The following WASHC2A variants were observed in gnomAD, a reference collection of about 807,000 sequenced individuals.
WASHC2A encodes the protein WASH complex subunit FAM21A.
Under a neutral mutation model 140.3 loss-of-function variants are expected in WASHC2A, and 82 were observed. That is an observed-to-expected ratio of 0.58 (90% CI 0.49 to 0.70). The LOEUF (loss-of-function observed/expected upper bound fraction) is 0.70, where lower values mean the gene tolerates loss of function less well. WASHC2A is among the 30% of genes least tolerant of loss of function. The pLI is 0.00. For synonymous variants in WASHC2A, 340 were observed against 560.8 expected (o/e 0.61, Z 5.56); for missense variants, 985 against 1,521.8 (o/e 0.65, Z 5.87).
chr10:50,075,050 C>T (rs557847049), intron 3 of WASHC2A, among the ~76,000 whole-genome samples: 52 of 149,236 alleles, frequency 3.5e-4, no homozygotes, highest in Admixed American at 9.3e-4. Context: ...TTCTAGATGA[C>T]GGTATGTGTG....
chr10:50,107,380 AG>A (rs1296929229), intron 19 of WASHC2A, among the ~76,000 whole-genome samples: 32 of 145,112 alleles, frequency 2.2e-4, no homozygotes, highest in African/African-American at 7.3e-4. Flanking sequence ...CAGTTAGTTT[AG>A]TTGCTAACTC....
chr10:50,132,654 C>T (rs555461717), intron 30 of WASHC2A, 152 bp from the exon 31 acceptor site: 5 of 1,255,676 alleles, frequency 4.0e-6, no homozygotes, highest in Non-Finnish European at 5.7e-6. Flanking sequence ...AAACACAGAA[C>T]CAGAATCTAA....
intron 8 of WASHC2A, among the ~76,000 whole-genome samples, chr10:50,090,502 C>CAA (rs1228908369): frequency 0.05 from 5,386 of 108,410 alleles, 175 homozygotes; most frequent in East Asian, 0.078. Flanking sequence ...GACTCCATCT[C>CAA]AAAAAAAAAA....
chr10:50,129,286 T>C (rs1359689248), intron 28 of WASHC2A, 133 bp from the exon 29 acceptor site: 1 of 1,492,626 alleles, frequency 6.7e-7, no homozygotes, highest in East Asian at 2.3e-5. Flanking sequence ...ACCTCTTCTA[T>C]GTTCTTAGAT....
intron 5 of WASHC2A, among the ~76,000 whole-genome samples, chr10:50,081,669 T>C (rs552878717): frequency 4.6e-5 from 7 of 151,602 alleles, no homozygotes; most frequent in Non-Finnish European, 1.0e-4. Flanking sequence ...AGTTTCACTC[T>C]GTCCTCCAGG....
chr10:50,087,530 G>C (rs1445463073), intron 8 of WASHC2A, among the ~76,000 whole-genome samples: 1 of 151,538 alleles, frequency 6.6e-6, no homozygotes, highest in African/African-American at 2.4e-5. Context: ...ATTTTTCTTA[G>C]AAAAGAAGTT....
intron 15 of WASHC2A, among the ~76,000 whole-genome samples, chr10:50,097,370 C>T (rs1173761686): frequency 1.3e-5 from 2 of 151,166 alleles, no homozygotes; most frequent in African/African-American, 4.9e-5. Context: ...ATCTTTCTTC[C>T]TCTAGATCTC....
intron 2 of WASHC2A, among the ~76,000 whole-genome samples, chr10:50,069,121 T>C (rs1332311760): frequency 6.6e-6 from 1 of 151,950 alleles, no homozygotes; most frequent in South Asian, 2.1e-4. Context: ...CACTTGGTTT[T>C]AGTACTTGTC....
chr10:50,081,610 C>T (rs1436235453), intron 5 of WASHC2A, among the ~76,000 whole-genome samples: 5 of 146,838 alleles, frequency 3.4e-5, no homozygotes, highest in African/African-American at 7.6e-5. Context: ...CAAGGCCTTC[C>T]GAATTAAAAC....
In WASHC2A at chr10:50,090,836, T is replaced by C. The variant is rs1839864099; in HGVS notation, c.793T>C (p.Ser265Pro). The stretch of plus-strand genomic sequence containing the variant: ...TGATGGCTGTGACCTTTTCGCTGAC[T>C]CTGAGAAGGAGGAGGAAGATATTGA... ...DDDGCDLFAD[S>P]EKEEEDIEDI... Residue 265 changes from serine to proline, a missense_variant, in exon 9 of 31, where the codon TCT becomes CCT. Transcript: ENST00000282633. 1.2e-6 allele frequency: 2 copies of C among 1,611,590 alleles called. No individual in the cohort carries two copies. Among genetic ancestry groups the C allele is most frequent in the South Asian group, 2.2e-5 (2 of 90,988 alleles).
At chr10:50,075,562 A>G (rs1554877541) in intron 3 of WASHC2A, among the ~76,000 whole-genome samples, 1 of 151,284 alleles carries the variant, frequency 6.6e-6, no homozygotes, top group Non-Finnish European at 1.5e-5. Flanking sequence ...GGTGTTCGCC[A>G]CCATGCCTGG....
In WASHC2A at chr10:50,091,633, T is replaced by C. The variant is rs1202585994; in HGVS notation, c.931+115T>C. On this transcript the variant is annotated intron_variant, in intron 10 of 30. Transcript: ENST00000282633. The stretch of plus-strand genomic sequence containing the variant: ...AGTAATTACTACATATATTTATTAG[T>C]AATTGCTACATATAATTTAAATTGT... The C allele has an allele frequency of 1.9e-5, 18 of 941,828 alleles. No homozygotes were observed. The Admixed American group carries it at 3.4e-4, about 18-fold the overall frequency. 58.3% of individuals were successfully genotyped at this position (941,828 alleles called of 1,614,324 possible). A position where few individuals can be genotyped will look rare whatever the true frequency, so the allele number is the denominator to read the frequency against.
chr10:50,118,092 T>C (rs1842810709), intron 22 of WASHC2A, 34 bp downstream of exon 22: 1 of 1,600,574 alleles, frequency 6.2e-7, no homozygotes, highest in Admixed American at 1.7e-5. Context: ...TTGAATGCAT[T>C]TGTCTCTCGT....
intron 16 of WASHC2A, among the ~76,000 whole-genome samples, chr10:50,098,951 C>T (rs1840778439): frequency 6.6e-6 from 1 of 150,994 alleles, no homozygotes. Context: ...CACCACACTG[C>T]TTCATTGGAA....
At chr10:50,085,800 CCACCAAATATCTCTTT>C (rs1839324429) in intron 7 of WASHC2A, among the ~76,000 whole-genome samples, 1 of 144,660 alleles carries the variant, frequency 6.9e-6, no homozygotes, top group Non-Finnish European at 1.5e-5. Context: ...TCCCACCTTG[CCACCAAATATCTCTTT>C]CACCCAATAT....
rs1342411331 is a variant in WASHC2A at position 50,133,465 on chromosome 10, C to G, written c.*520C>G. 3 of 469,744 alleles carry G rather than the reference C, an allele frequency of 6.4e-6. No homozygotes were observed. The highest frequency in any genetic ancestry group is 6.9e-5 in the East Asian group (1 of 14,432). The allele number at this position is 469,744 out of a possible 1,614,324, so 29.1% of individuals were successfully genotyped here. On this transcript the variant is annotated 3_prime_UTR_variant, in exon 31 of 31. Coordinates refer to ENST00000282633, the MANE Select transcript of WASHC2A (RefSeq NM_001005751.3). The stretch of plus-strand genomic sequence containing the variant: ...AAAGTTTGGCAAACTGTGGCCCCCC[C>G]ACTGTCATATTTTGTTAATAAAATT...
intron 14 of WASHC2A, 127 bp downstream of exon 14, chr10:50,095,334 T>G (rs561950544): frequency 8.6e-5 from 79 of 920,994 alleles, no homozygotes; most frequent in East Asian, 2.1e-4. Flanking sequence ...GCTTTGAGCA[T>G]CTTATAGAAA....
At chr10:50,103,419 G>T (rs1266998230) in intron 17 of WASHC2A, among the ~76,000 whole-genome samples, 1 of 152,058 alleles carries the variant, frequency 6.6e-6, no homozygotes, top group Non-Finnish European at 1.5e-5. Flanking sequence ...AATTAGCCAG[G>T]CGTGGTGGCA....
chr10:50,127,680 C>T lies in WASHC2A; in HGVS notation c.2972C>T (p.Ser991Phe). ...TTGCCAGAATTGGCTTTTCCTTCAT[C>T]TGAACACAGAAGGAGCCACGGTCTG... ...PVLPELAFPS[S>F]EHRRSHGLES... is the part of the protein sequence containing the mutation. Residue 991 changes from serine (S) to phenylalanine (F), a missense_variant, in exon 28 of 31, where the codon TCT (serine) becomes TTT (phenylalanine). Physicochemically the swap from Ser to Phe is radical, Grantham distance 155. Coordinates refer to ENST00000282633, the MANE Select transcript of WASHC2A (RefSeq NM_001005751.3). The T allele has an allele frequency of 1.9e-6, 3 of 1,594,124 alleles. No homozygotes were observed. Among genetic ancestry groups the T allele is most frequent in the Non-Finnish European group, 2.6e-6 (3 of 1,168,082 alleles).
Sources: gnomAD v4.1 joint callset for allele counts (sites outside exome capture counted in the v4.1 genomes callset) on GRCh38, gnomAD v4.1.1 for gene constraint, MANE v1.5 for transcripts, NCBI Gene and HGNC (gene_info 2026-07-23, HGNC 2026-07-21) for gene names.